MAGI1: variants seen among roughly 807,000 people sequenced by gnomAD.
The protein encoded by MAGI1 is membrane-associated guanylate kinase, WW and PDZ domain-containing protein 1.
A neutral mutation model predicts 139.9 loss-of-function variants in MAGI1; 58 were observed. The observed-to-expected ratio is 0.41, with a 90% CI of 0.34 to 0.52. The LOEUF (loss-of-function observed/expected upper bound fraction) is 0.52, where lower values mean the gene tolerates loss of function less well. Among genes scored for constraint, MAGI1 ranks in the 20% least tolerant of loss-of-function variants. The pLI, the probability that MAGI1 is intolerant of heterozygous loss-of-function variation, is 0.12. For missense variants in MAGI1, 1,874 were observed against 1,901.6 expected (o/e 0.99, Z 0.27); for synonymous variants, 812 against 737.9 (o/e 1.10, Z -1.63).
At chr3:65,458,044 T>A (rs1296424949) in intron 5 of MAGI1, among the ~76,000 whole-genome samples, 5 of 152,166 alleles carry the variant, frequency 3.3e-5, no homozygotes, top group African/African-American at 1.2e-4. Flanking sequence ...AGTGAGAACA[T>A]GTGAAGCTTG....
chr3:66,038,414 A>T lies in MAGI1; in HGVS notation c.-106T>A, dbSNP rs2069058963. 1 of 1,428,782 alleles carries T rather than the reference A, an allele frequency of 7.0e-7. No homozygotes were observed. 88.5% of individuals were successfully genotyped at this position (1,428,782 alleles called of 1,614,324 possible). The stretch of plus-strand genomic sequence containing the variant: ...TTCATGGGAGAAACATCTCTCCCCA[A>T]ATCACAAAACAGGAGAGAGAAACTT... On this transcript the variant is annotated 5_prime_UTR_variant, in exon 1 of 23. In the 5' UTR this introduces an upstream ATG that the reference lacks. Transcript: ENST00000402939.
chr3:65,874,101 C>T (rs1435670768), intron 1 of MAGI1: 2 of 152,512 alleles, frequency 1.3e-5, no homozygotes, highest in Middle Eastern at 3.2e-3. Context: ...GCCTGGGCAA[C>T]ACAGCAAGAC....
At chr3:65,727,805 C>T (rs190646730) in intron 1 of MAGI1, among the ~76,000 whole-genome samples, 7 of 152,188 alleles carry the variant, frequency 4.6e-5, no homozygotes, top group Admixed American at 2.0e-4. Flanking sequence ...GTAGGCAAGA[C>T]GGAGCTTCTA....
At chr3:65,536,957 C>T (rs1436312058) in intron 2 of MAGI1, among the ~76,000 whole-genome samples, 2 of 152,192 alleles carry the variant, frequency 1.3e-5, no homozygotes, top group South Asian at 4.2e-4. Context: ...TATCTTTGGA[C>T]GTTTTCATTA....
intron 1 of MAGI1, among the ~76,000 whole-genome samples, chr3:65,679,572 A>T (rs1000438969): frequency 6.6e-6 from 1 of 152,080 alleles, no homozygotes; most frequent in African/African-American, 2.4e-5. Flanking sequence ...CCGGAAAAAA[A>T]AAATAAAAAA....
chr3:65,682,409 A>G (rs2087655952), intron 1 of MAGI1, among the ~76,000 whole-genome samples: 1 of 152,238 alleles, frequency 6.6e-6, no homozygotes, highest in African/African-American at 2.4e-5. Context: ...CCAGAAATGT[A>G]GACCTAAAGT....
At chr3:65,533,847 A>G (rs1371042788) in intron 2 of MAGI1, among the ~76,000 whole-genome samples, 1 of 152,154 alleles carries the variant, frequency 6.6e-6, no homozygotes, top group Non-Finnish European at 1.5e-5. Context: ...ATCATCCCAA[A>G]TATTACATCC....
At chr3:65,618,467 T>C (rs2083486526) in intron 2 of MAGI1, among the ~76,000 whole-genome samples, 1 of 152,140 alleles carries the variant, frequency 6.6e-6, no homozygotes, top group African/African-American at 2.4e-5. Context: ...AGAGAGAATA[T>C]ACTTATTTTT....
chr3:65,779,793 T>A (rs2038781541), intron 1 of MAGI1, among the ~76,000 whole-genome samples: 1 of 152,214 alleles, frequency 6.6e-6, no homozygotes. Flanking sequence ...CTTTGGAAAG[T>A]GACGAGTATG....
chr3:65,830,529 C>T (rs897316414), intron 1 of MAGI1, among the ~76,000 whole-genome samples: 3 of 152,154 alleles, frequency 2.0e-5, no homozygotes, highest in Admixed American at 6.5e-5. Context: ...CACAACACAA[C>T]TTCTCTCAGT....
intron 2 of MAGI1, among the ~76,000 whole-genome samples, chr3:65,596,076 C>A (rs1453557396): frequency 2.0e-5 from 3 of 152,092 alleles, no homozygotes; most frequent in African/African-American, 7.2e-5. Flanking sequence ...AGTTAAATCA[C>A]GAAAAGAATC....
Position 65,778,451 on chromosome 3 carries a change from A to AAAAAAAAG in MAGI1, c.314-156364_314-156363insCTTTTTTT, listed in dbSNP as rs1180962724. 3.7e-4 allele frequency among the ~76,000 whole-genome samples: 23 copies of AAAAAAAAG among 61,346 alleles called. 2 individuals are homozygous for AAAAAAAAG. The highest frequency in any genetic ancestry group is 1.1e-3 in the African/African-American group (23 of 20,322). 40.2% of individuals were successfully genotyped at this position (61,346 alleles called of 152,430 possible). ...GTCTCAAAAAAAAAAAAAATAAATA[A>AAAAAAAAG]ATAAGTCTTTTGAGAAATGCAGGAA... On this transcript the variant is annotated intron_variant, in intron 1 of 22. Coordinates refer to ENST00000402939, the MANE Select transcript of MAGI1 (RefSeq NM_001033057.2).
At chr3:65,586,114 G>A (rs1222114751) in intron 2 of MAGI1, among the ~76,000 whole-genome samples, 1 of 152,020 alleles carries the variant, frequency 6.6e-6, no homozygotes, top group Non-Finnish European at 1.5e-5. Flanking sequence ...GATGACTGTG[G>A]TGAGGGTATC....
At chr3:65,606,280 C>A (rs2082733324) in intron 2 of MAGI1, among the ~76,000 whole-genome samples, 1 of 152,146 alleles carries the variant, frequency 6.6e-6, no homozygotes. Flanking sequence ...AACCACTGCA[C>A]CGTGCCTCTC....
intron 17 of MAGI1, among the ~76,000 whole-genome samples, chr3:65,376,354 G>C (rs1346559112): frequency 1.3e-5 from 2 of 152,226 alleles, no homozygotes; most frequent in Non-Finnish European, 2.9e-5. Flanking sequence ...CTGTGTTCAT[G>C]TCACTTCATT....
intron 10 of MAGI1, among the ~76,000 whole-genome samples, chr3:65,431,369 A>G (rs2107348061): frequency 6.6e-6 from 1 of 152,364 alleles, no homozygotes; most frequent in African/African-American, 2.4e-5. Context: ...AGATAATACC[A>G]GAAAACATAT....
At chr3:65,819,985 C>CAAATATACT (rs35960059) in intron 1 of MAGI1, among the ~76,000 whole-genome samples, 14,401 of 54,342 alleles carry the variant, frequency 0.27, 1,188 homozygotes, top group East Asian at 0.55. Context: ...TTATATTAAG[C>CAAATATACT]AAATATACTG....
chr3:65,820,783 G>C (rs545893555), intron 1 of MAGI1, among the ~76,000 whole-genome samples: 1 of 152,062 alleles, frequency 6.6e-6, no homozygotes, highest in African/African-American at 2.4e-5. Context: ...TTCACTTGGG[G>C]CTTTATTTTT....
intron 1 of MAGI1, among the ~76,000 whole-genome samples, chr3:65,945,019 TACAACATATATGAA>T (rs750140135): frequency 4.6e-5 from 7 of 152,204 alleles, no homozygotes; most frequent in Non-Finnish European, 8.8e-5. Flanking sequence ...TCCATCACGT[TACAACATATATGAA>T]AAGCAACAAG....
Sources: gnomAD v4.1 joint callset for allele counts (sites outside exome capture counted in the v4.1 genomes callset) on GRCh38, gnomAD v4.1.1 for gene constraint, MANE v1.5 for transcripts, NCBI Gene and HGNC (gene_info 2026-07-23, HGNC 2026-07-21) for gene names.